Variants in CSMD1 observed in about 807,000 individuals in gnomAD.
CSMD1 encodes the protein CUB and sushi domain-containing protein 1.
Under a neutral mutation model 417.5 loss-of-function variants are expected in CSMD1, and 213 were observed. The observed-to-expected ratio is 0.51, with a 90% confidence interval of 0.46 to 0.57. CSMD1 has a LOEUF of 0.57. Among genes scored for constraint, CSMD1 ranks in the 20% least tolerant of loss-of-function variants. The probability of loss-of-function intolerance (pLI) is 0.00; values close to 1 mark genes in which losing one functional copy is unlikely to be tolerated. For synonymous variants in CSMD1, 2,862 were observed against 1,736.8 expected, an observed-to-expected ratio of 1.65 and a Z score of -16.11; for missense variants, 6,923 against 4,529.7, an observed-to-expected ratio of 1.53 and a Z score of -15.17.
intron 10 of CSMD1, among the ~76,000 whole-genome samples, chr8:3,536,915 G>T (rs530894003): frequency 2.0e-5 from 3 of 152,320 alleles, no homozygotes; most frequent in African/African-American, 4.8e-5. Flanking sequence ...TTTATTGTAC[G>T]ATTGCCCTAG....
At chr8:4,500,626 G>A (rs916971566) in intron 2 of CSMD1, among the ~76,000 whole-genome samples, 2 of 152,088 alleles carry the variant, frequency 1.3e-5, no homozygotes, top group African/African-American at 2.4e-5. Context: ...TTTTTGAGCG[G>A]GAGAGAGGGA....
intron 26 of CSMD1, among the ~76,000 whole-genome samples, chr8:3,280,156 A>C (rs1033618746): frequency 6.6e-6 from 1 of 152,080 alleles, no homozygotes; most frequent in African/African-American, 2.4e-5. Context: ...GGGGCTTCTT[A>C]TTGGAATAAC....
At chr8:4,779,835 T>C (rs1797062037) in intron 1 of CSMD1, among the ~76,000 whole-genome samples, 1 of 152,086 alleles carries the variant, frequency 6.6e-6, no homozygotes, top group African/African-American at 2.4e-5. Context: ...CTAAGCAGCA[T>C]CTTCCACTTC....
chr8:3,981,775 C>A (rs536890783), intron 5 of CSMD1, among the ~76,000 whole-genome samples: 386 of 152,286 alleles, frequency 2.5e-3, no homozygotes, highest in African/African-American at 8.9e-3. Context: ...AGGCTGTGCG[C>A]TTCACAAAGT....
At chr8:3,300,958 C>CAAAAAAAAAAAAAAAAAAAAA (rs374180480) in intron 25 of CSMD1, among the ~76,000 whole-genome samples, 1 of 50,598 alleles carries the variant, frequency 2.0e-5, no homozygotes, top group African/African-American at 6.7e-5. Flanking sequence ...GACTCTGTCT[C>CAAAAAAAAAAAAAAAAAAAAA]AAAAAAAAAA....
chr8:3,279,907 T>C (rs913433586), intron 26 of CSMD1, among the ~76,000 whole-genome samples: 1 of 152,142 alleles, frequency 6.6e-6, no homozygotes, highest in Non-Finnish European at 1.5e-5. Flanking sequence ...CCTTGACACA[T>C]ATGGATTATG....
In CSMD1 at chr8:4,904,207, C is replaced by T. The variant is rs1231240160; in HGVS notation, c.85+90125G>A. Among the ~76,000 whole-genome samples, 3 of 152,074 alleles carry T rather than the reference C, an allele frequency of 2.0e-5. No homozygotes were observed. The East Asian group carries it at 5.8e-4, about 29-fold the overall frequency. ...ACTCTGGTCATAACATGATGACCAACCATCACCTAAAATTAGGCATCATAG... is the reference window on the plus strand; with the variant it reads ...ACTCTGGTCATAACATGATGACCAATCATCACCTAAAATTAGGCATCATAG... On this transcript the variant is annotated intron_variant, in intron 1 of 69. Transcript: ENST00000635120.
intron 7 of CSMD1, among the ~76,000 whole-genome samples, chr8:3,637,362 C>A (rs1240491039): frequency 2.0e-5 from 3 of 152,034 alleles, no homozygotes; most frequent in Non-Finnish European, 2.9e-5. Flanking sequence ...TGAGTTTGGG[C>A]AACATAAAGA....
chr8:4,633,947 G>C (rs1305137428), intron 2 of CSMD1, among the ~76,000 whole-genome samples: 2 of 150,482 alleles, frequency 1.3e-5, no homozygotes, highest in Non-Finnish European at 2.9e-5. Context: ...AGGAAATGCA[G>C]AGTCAATAAA....
chr8:2,970,581 T>C lies in CSMD1; in HGVS notation c.8923+2536A>G, dbSNP rs140219566. Among the ~76,000 whole-genome samples, 11 of 152,328 alleles carry C rather than the reference T, an allele frequency of 7.2e-5. No homozygotes were observed. The East Asian group carries it at 1.2e-3, about 16-fold the overall frequency. On this transcript the variant is annotated intron_variant, in intron 57 of 69. Coordinates refer to ENST00000635120, the MANE Select transcript of CSMD1 (RefSeq NM_033225.6). ...TGACATCCAGCCCTCTTTGTAACTA[T>C]TGAGGAAATATTTTAAATTTCAATT...
At chr8:4,047,998 G>T (rs912299811) in intron 3 of CSMD1, among the ~76,000 whole-genome samples, 5 of 152,130 alleles carry the variant, frequency 3.3e-5, no homozygotes, top group Non-Finnish European at 7.4e-5. Flanking sequence ...AGAGCTTTAA[G>T]TCTTTGTATG....
At chr8:4,160,645 T>C (rs1404329120) in intron 3 of CSMD1, among the ~76,000 whole-genome samples, 4 of 152,380 alleles carry the variant, frequency 2.6e-5, no homozygotes, top group Admixed American at 1.3e-4. Flanking sequence ...TGGAAGTCTT[T>C]GTACTTGTGT....
chr8:3,992,824 C>T lies in CSMD1; in HGVS notation c.818+5079G>A, dbSNP rs1392882837. 2.0e-5 allele frequency among the ~76,000 whole-genome samples: 3 copies of T among 152,336 alleles called. No homozygotes were observed. In the East Asian group the frequency reaches 5.8e-4, roughly 29 times the overall value. On this transcript the variant is annotated intron_variant, in intron 5 of 69. Coordinates refer to ENST00000635120, the MANE Select transcript of CSMD1 (RefSeq NM_033225.6). ...AGGAAAGCACAAAAAACAATTCGCC[C>T]ATTTTAATTGGTGGCACTGCAGCAT...
chr8:4,641,193 G>A (rs1312119978), intron 1 of CSMD1, among the ~76,000 whole-genome samples: 7 of 151,854 alleles, frequency 4.6e-5, no homozygotes, highest in African/African-American at 1.7e-4. Flanking sequence ...GCATACAGAT[G>A]TTTTTGCTGC....
chr8:4,183,308 A>T (rs749083014), intron 3 of CSMD1, among the ~76,000 whole-genome samples: 3 of 152,166 alleles, frequency 2.0e-5, no homozygotes, highest in Non-Finnish European at 4.4e-5. Flanking sequence ...TCAGCAATTA[A>T]ATATATTTAA....
chr8:4,095,101 A>C (rs13340606), intron 3 of CSMD1, among the ~76,000 whole-genome samples: 34,090 of 152,136 alleles, frequency 0.22, 4,756 homozygotes, highest in African/African-American at 0.39. Context: ...AGAGGAAACA[A>C]AGTGACGTGA....
At chr8:3,392,301 A>G (rs909318951) in intron 17 of CSMD1, among the ~76,000 whole-genome samples, 1 of 152,122 alleles carries the variant, frequency 6.6e-6, no homozygotes, top group Admixed American at 6.6e-5. Context: ...TCACTTGAAA[A>G]AAAATAATAA....
chr8:3,257,239 G>A (rs1222287907), intron 26 of CSMD1, among the ~76,000 whole-genome samples: 3 of 152,112 alleles, frequency 2.0e-5, no homozygotes, highest in Non-Finnish European at 4.4e-5. Flanking sequence ...CAGGAGAATC[G>A]CTTCAACCTG....
chr8:3,640,216 T>A (rs921536731), intron 7 of CSMD1, among the ~76,000 whole-genome samples: 1 of 152,206 alleles, frequency 6.6e-6, no homozygotes, highest in East Asian at 1.9e-4. Flanking sequence ...GAGGCATCAA[T>A]GTGCTGAGAA....
Sources: allele counts gnomAD v4.1 joint callset (sites outside exome capture counted in the v4.1 genomes callset), GRCh38; gene constraint gnomAD v4.1.1; transcripts MANE v1.5; gene names NCBI Gene and HGNC (gene_info 2026-07-23, HGNC 2026-07-21).